Variants in RPS6KA2 observed in about 807,000 individuals in gnomAD.
RPS6KA2 encodes the protein ribosomal protein S6 kinase alpha-2.
A neutral mutation model predicts 91.8 loss-of-function variants in RPS6KA2; 42 were observed. The observed-to-expected ratio is 0.46, with a 90% CI of 0.36 to 0.59. RPS6KA2 has a LOEUF of 0.59. RPS6KA2 is among the 20% of genes least tolerant of loss of function. RPS6KA2 has a pLI of 0.00. For synonymous variants in RPS6KA2, 414 were observed against 393.6 expected (o/e 1.05, Z -0.61); for missense variants, 798 against 978.5 (o/e 0.82, Z 2.46).
intron 13 of RPS6KA2, among the ~76,000 whole-genome samples, chr6:166,450,109 A>C (rs73033724): frequency 0.29 from 38,640 of 132,070 alleles, 4,823 homozygotes; most frequent in Middle Eastern, 0.43. Context: ...ATGGGGACCA[A>C]CATGGAGACC....
intron 10 of RPS6KA2, among the ~76,000 whole-genome samples, chr6:166,488,415 G>A (rs9366022): frequency 0.27 from 40,576 of 152,132 alleles, 5,995 homozygotes; most frequent in East Asian, 0.54. Flanking sequence ...TACACGAAAA[G>A]AAAATCAATC....
intron 11 of RPS6KA2, chr6:166,463,488 GAC>G (rs1293561830): frequency 3.9e-5 from 6 of 152,342 alleles, no homozygotes; most frequent in African/African-American, 1.2e-4. Context: ...ATGTCAGAAT[GAC>G]ACAGTGTGGC....
intron 11 of RPS6KA2, among the ~76,000 whole-genome samples, chr6:166,461,294 A>G (rs1780279269): frequency 6.6e-6 from 1 of 152,130 alleles, no homozygotes. Context: ...AGTGAGGCAC[A>G]GGACAGGTGG....
intron 3 of RPS6KA2, among the ~76,000 whole-genome samples, chr6:166,521,034 C>G (rs1019798357): frequency 3.3e-5 from 5 of 152,266 alleles, no homozygotes; most frequent in African/African-American, 9.6e-5. Flanking sequence ...ACTGCTGTCC[C>G]TGGCTGTCCC....
At chr6:166,793,344 A>T (rs1328934495) in intron 2 of RPS6KA2, among the ~76,000 whole-genome samples, 16 of 146,886 alleles carry the variant, frequency 1.1e-4, no homozygotes, top group Non-Finnish European at 1.5e-5. Context: ...CTGCTCAAGG[A>T]AATAAAAGAG....
intron 2 of RPS6KA2, among the ~76,000 whole-genome samples, chr6:166,844,720 T>C (rs1854238): frequency 0.58 from 88,309 of 151,970 alleles, 26,883 homozygotes; most frequent in Middle Eastern, 0.73. Context: ...CAAACAAATG[T>C]TAAGAGAATT....
In RPS6KA2 at chr6:166,538,386, C is replaced by T. The variant is rs1304040899; in HGVS notation, c.216+282G>A. ...ATTGGCTCAGGTCAATAACCTTCCT[C>T]ACCTTGGTGATGATTTACCAAGAGC... On this transcript the variant is annotated intron_variant, in intron 2 of 20. Coordinates refer to ENST00000265678, the MANE Select transcript of RPS6KA2 (RefSeq NM_021135.6). 1.3e-5 allele frequency among the ~76,000 whole-genome samples: 2 copies of T among 152,188 alleles called. 1 individual carries two copies. Among genetic ancestry groups the T allele is most frequent in the East Asian group, 3.8e-4 (2 of 5,196 alleles).
intron 2 of RPS6KA2, among the ~76,000 whole-genome samples, chr6:166,835,248 T>G (rs1780288479): frequency 6.6e-6 from 1 of 152,208 alleles, no homozygotes. Context: ...ACTTTATTCT[T>G]CTTTCGCAAA....
At chr6:166,470,236 T>C (rs1780714280) in intron 10 of RPS6KA2, among the ~76,000 whole-genome samples, 1 of 152,160 alleles carries the variant, frequency 6.6e-6, no homozygotes, top group Non-Finnish European at 1.5e-5. Flanking sequence ...CCCCAGGAGC[T>C]TGAGGTGCCT....
Position 166,451,109 on chromosome 6 carries a change from G to C in RPS6KA2, c.1200C>G (p.Ile400Met). 6.2e-7 allele frequency: 1 copy of C among 1,614,030 alleles called. No individual in the cohort carries two copies. Among genetic ancestry groups the C allele is most frequent in the Non-Finnish European group, 8.5e-7 (1 of 1,179,952 alleles). Reference sequence around the variant, plus strand: ...TGCAGGCAAACACAGTTACCTGCACGATTGGGTGAACTGGGACTTTGTGCA... The same window carrying C: ...TGCAGGCAAACACAGTTACCTGCACCATTGGGTGAACTGGGACTTTGTGCA... Reference protein sequence around the residue: ...QDLHKVPVHPIVQQLHGNNIH... With the variant: ...QDLHKVPVHPMVQQLHGNNIH... Residue 400 changes from isoleucine to methionine, a missense_variant, in exon 13 of 21, where the codon ATC becomes ATG. Ile to Met is a conservative substitution (Grantham distance 10, BLOSUM62 1). Transcript: ENST00000265678.
chr6:166,799,568 T>C (rs1163450775), intron 2 of RPS6KA2, among the ~76,000 whole-genome samples: 1 of 148,672 alleles, frequency 6.7e-6, no homozygotes, highest in Admixed American at 6.8e-5. Context: ...AAAAATTGCA[T>C]GCTCAGAAGG....
At chr6:166,713,880 C>A (rs375369144) in intron 2 of RPS6KA2, among the ~76,000 whole-genome samples, 150 of 152,252 alleles carry the variant, frequency 9.9e-4, no homozygotes, top group African/African-American at 3.4e-3. Flanking sequence ...CTTGTTAGTG[C>A]GCCCCTCATA....
In RPS6KA2 at chr6:166,648,200, ACACACTCATG is replaced by A. The variant is rs946442384; in HGVS notation, c.124-109426_124-109417del. Among the ~76,000 whole-genome samples, 2 of 103,556 alleles carry A rather than the reference ACACACTCATG, an allele frequency of 1.9e-5. No homozygotes were observed. The highest frequency in any genetic ancestry group is 8.6e-5 in the African/African-American group (2 of 23,218). 67.9% of individuals were successfully genotyped at this position (103,556 alleles called of 152,430 possible). On this transcript the variant is annotated intron_variant, in intron 2 of 21. Transcript: ENST00000503859. The surrounding 1 kb of genome is among the most constrained non-coding windows in gnomAD (Gnocchi z 4.8). Reference sequence around the variant, plus strand: ...CACACACATGCACACATGCTCATACACACACTCATGCACACACACGCACATGCGCACACAC... The same window carrying A: ...CACACACATGCACACATGCTCATACACACACACACGCACATGCGCACACAC...
intron 2 of RPS6KA2, among the ~76,000 whole-genome samples, chr6:166,741,764 G>A (rs1790822285): frequency 1.3e-5 from 2 of 152,210 alleles, no homozygotes; most frequent in South Asian, 2.1e-4. Flanking sequence ...GCTCTCCTGG[G>A]AGTTCCATCT....
At chr6:166,498,720 C>G in intron 7 of RPS6KA2, 70 bp from the exon 8 acceptor site, 1 of 1,576,624 alleles carries the variant, frequency 6.3e-7, no homozygotes. Flanking sequence ...CTCAGGCGGG[C>G]ATCAGCGTCC....
intron 3 of RPS6KA2, among the ~76,000 whole-genome samples, chr6:166,529,320 G>C (rs143608784): frequency 1.1e-3 from 174 of 152,258 alleles, no homozygotes; most frequent in African/African-American, 3.9e-3. Context: ...CTATTGCAAG[G>C]ACAGAAAACC....
At chr6:166,591,975 G>T (rs1785370341) in intron 1 of RPS6KA2, among the ~76,000 whole-genome samples, 1 of 152,160 alleles carries the variant, frequency 6.6e-6, no homozygotes, top group Admixed American at 6.5e-5. Flanking sequence ...AGAAGCATCT[G>T]CAATACAGAA....
At position 166,490,544 on chromosome 6, in the gene RPS6KA2, C is replaced by A. The variant is rs531123642; in HGVS notation, c.818+127G>T. 1.4e-6 allele frequency: 1 copy of A among 715,846 alleles called. No individual in the cohort carries two copies. The highest frequency in any genetic ancestry group is 2.4e-6 in the Non-Finnish European group (1 of 408,946). The allele number at this position is 715,846 out of a possible 1,614,324, so 44.3% of individuals were successfully genotyped here. On this transcript the variant is annotated intron_variant, in intron 9 of 20. Coordinates refer to ENST00000265678, the MANE Select transcript of RPS6KA2 (RefSeq NM_021135.6). This position sits in a 1 kb window ranked among gnomAD's most constrained non-coding sequence, Gnocchi z 4.2. ...AAAACCAGTGACTTTTAGAAAACAG[C>A]TTACAATACTTTGGCACTGTAAGCC...
intron 2 of RPS6KA2, among the ~76,000 whole-genome samples, chr6:166,789,892 A>G (rs1234592196): frequency 6.6e-6 from 1 of 152,232 alleles, no homozygotes; most frequent in Non-Finnish European, 1.5e-5. Context: ...CCAAAAGTAG[A>G]TAAAACCACA....
Sources: gnomAD v4.1 joint callset for allele counts (sites outside exome capture counted in the v4.1 genomes callset) on GRCh38, gnomAD v4.1.1 for gene constraint, Gnocchi (gnomAD v3.1) non-coding constraint, MANE v1.5 for transcripts, NCBI Gene and HGNC (gene_info 2026-07-23, HGNC 2026-07-21) for gene names.